SCEL: variants seen among roughly 807,000 people sequenced by gnomAD.
SCEL encodes sciellin.
In SCEL, 113 loss-of-function variants were observed where a neutral mutation model predicts 117.6. That is an observed-to-expected ratio of 0.96 (90% CI 0.83 to 1.12). The LOEUF (loss-of-function observed/expected upper bound fraction) is 1.12. Among genes scored for constraint, SCEL ranks in the 50% most tolerant of loss-of-function variants. SCEL has a pLI of 0.00. For synonymous variants in SCEL, 270 were observed against 256.2 expected, an observed-to-expected ratio of 1.05 and a Z score of -0.51; for missense variants, 785 against 810.8, an observed-to-expected ratio of 0.97 and a Z score of 0.39.
At chr13:77,572,322 G>A (rs1393631805) in intron 9 of SCEL, 133 bp downstream of exon 9, 10 of 690,088 alleles carry the variant, frequency 1.4e-5, no homozygotes, top group Admixed American at 2.8e-5. Context: ...CTGTACAGGA[G>A]AGTGTCCAGT....
intron 27 of SCEL, 132 bp downstream of exon 27, chr13:77,618,192 T>C (rs745567688): frequency 1.4e-6 from 1 of 711,158 alleles, no homozygotes; most frequent in Non-Finnish European, 2.5e-6. Context: ...TTTCTTTCTT[T>C]CCTTCCTTCC....
intron 5 of SCEL, among the ~76,000 whole-genome samples, chr13:77,564,368 T>TAGAAGGTG (rs1172623718): frequency 6.6e-6 from 1 of 152,162 alleles, no homozygotes; most frequent in African/African-American, 2.4e-5. Flanking sequence ...ACTTTCTCTT[T>TAGAAGGTG]AGAAGGTGAA....
chr13:77,620,080 T>G lies in SCEL; in HGVS notation c.1628+2020T>G, dbSNP rs188461655. Among the ~76,000 whole-genome samples the G allele has an allele frequency of 1.4e-4, 21 of 152,332 alleles. 1 individual carries two copies. The highest frequency in any genetic ancestry group is 1.2e-3 in the East Asian group (6 of 5,190). On this transcript the variant is annotated intron_variant, in intron 27 of 32. Transcript: ENST00000349847. ...TTACTATAAAAAAATTTAAAAATAT[T>G]GGCTATCGTGTGGTTTTAAGATGGC... is the stretch of plus-strand genomic sequence containing the variant.
intron 28 of SCEL, among the ~76,000 whole-genome samples, chr13:77,628,215 G>A (rs2089860256): frequency 6.7e-6 from 1 of 148,298 alleles, no homozygotes; most frequent in South Asian, 2.1e-4. Flanking sequence ...AAATTTACAA[G>A]GTGCTTAATA....
At position 77,604,429 on chromosome 13, in the gene SCEL, A is replaced by G. The variant is rs2087963845; in HGVS notation, c.1157+14A>G. ...AAATATTACGAGGTAAGACATTTAA[A>G]GCTCCCCCCTCCCCTTTGTTTGGCA... On this transcript the variant is annotated intron_variant, in intron 19 of 32. Transcript: ENST00000349847. The G allele has an allele frequency of 6.4e-7, 1 of 1,569,870 alleles. No individual in the cohort carries two copies. Among genetic ancestry groups the G allele is most frequent in the South Asian group, 1.2e-5 (1 of 83,222 alleles).
Position 77,593,572 on chromosome 13 carries a change from G to A in SCEL, c.751G>A (p.Gly251Ser). The A allele has an allele frequency of 6.2e-7, 1 of 1,611,790 alleles. No homozygotes were observed. Among genetic ancestry groups the A allele is most frequent in the Non-Finnish European group, 8.5e-7 (1 of 1,178,274 alleles). ...CACTTCACTTCAGAGAAGTGACAAA[G>A]GGTGAGATCTCAGAGCTTTTGAGCT... Reference protein sequence around the residue: ...VATSLQRSDKGEELDNLIKMN... With the variant: ...VATSLQRSDKSEELDNLIKMN... The change falls in exon 12 of 33, where the codon GGT becomes AGT. Residue 251 changes from glycine (G) to serine (S), a missense_variant and splice_region_variant. By Grantham distance (56) the Gly-to-Ser change is moderately conservative. Coordinates refer to ENST00000349847, the MANE Select transcript of SCEL (RefSeq NM_144777.3).
chr13:77,587,322 G>C (rs1475343849), intron 9 of SCEL, among the ~76,000 whole-genome samples: 2 of 151,908 alleles, frequency 1.3e-5, no homozygotes, highest in African/African-American at 4.8e-5. Flanking sequence ...AATTCTCAAA[G>C]TCATCTGTCT....
chr13:77,599,256 G>T lies in SCEL; in HGVS notation c.798-73G>T, dbSNP rs2087468182. 4.9e-6 allele frequency: 5 copies of T among 1,030,176 alleles called. No individual in the cohort carries two copies. In the South Asian group the frequency reaches 6.0e-5, roughly 12 times the overall value. The allele number at this position is 1,030,176 out of a possible 1,614,324, so 63.8% of individuals were successfully genotyped here. ...CTGTTTCCTGTCTTAGATGTAAACT[G>T]GTCTATGTTCTTATAGAGTTAAGCA... On this transcript the variant is annotated intron_variant, in intron 13 of 32. Transcript: ENST00000349847.
chr13:77,555,565 G>T (rs371837329), intron 1 of SCEL, among the ~76,000 whole-genome samples: 2 of 152,146 alleles, frequency 1.3e-5, no homozygotes, highest in Non-Finnish European at 2.9e-5. Context: ...CATTCCATGC[G>T]TAATTATTGA....
chr13:77,593,594 A>G, intron 12 of SCEL, 21 bp downstream of exon 12: 1 of 1,602,470 alleles, frequency 6.2e-7, no homozygotes, highest in Non-Finnish European at 8.5e-7. Context: ...AGAGCTTTTG[A>G]GCTTGGGTTT....
At chr13:77,612,087 A>G (rs1285192239) in intron 22 of SCEL, among the ~76,000 whole-genome samples, 1 of 152,200 alleles carries the variant, frequency 6.6e-6, no homozygotes, top group Non-Finnish European at 1.5e-5. Flanking sequence ...ACATGATAAA[A>G]TGAACCTATA....
At chr13:77,617,536 C>A in intron 24 of SCEL, 63 bp from the exon 25 acceptor site, 1 of 958,004 alleles carries the variant, frequency 1.0e-6, no homozygotes. Context: ...TATCCATTTC[C>A]AATTACCTTA....
At position 77,604,278 on chromosome 13, in the gene SCEL, T is replaced by C. The variant is rs932998321; in HGVS notation, c.1098-78T>C. On this transcript the variant is annotated intron_variant, in intron 18 of 32. Transcript: ENST00000349847. ...GAAAACTTGTATATTTACCACTTCT[T>C]AATTTTTCCAGCCATTATTCATCTG... The C allele has an allele frequency of 1.6e-5, 14 of 890,364 alleles. No homozygotes were observed. In the Admixed American group the frequency reaches 3.9e-4, roughly 25 times the overall value. 55.2% of individuals were successfully genotyped at this position (890,364 alleles called of 1,614,324 possible).
At chr13:77,601,188 A>G (rs535615753) in intron 15 of SCEL, among the ~76,000 whole-genome samples, 1 of 151,688 alleles carries the variant, frequency 6.6e-6, no homozygotes, top group South Asian at 2.1e-4. Context: ...TTTCAAAAAC[A>G]GTTTGGAGAG....
At chr13:77,547,106 A>G (rs1019036972) in intron 1 of SCEL, among the ~76,000 whole-genome samples, 2 of 152,200 alleles carry the variant, frequency 1.3e-5, no homozygotes, top group East Asian at 1.9e-4. Flanking sequence ...ATTGTCTGCC[A>G]TGAGTCCCTA....
At chr13:77,551,513 T>A (rs577810303) in intron 1 of SCEL, among the ~76,000 whole-genome samples, 15 of 152,240 alleles carry the variant, frequency 9.9e-5, no homozygotes, top group African/African-American at 2.9e-4. Context: ...GCTGGGCAGA[T>A]TTGGATTACT....
intron 3 of SCEL, among the ~76,000 whole-genome samples, 163 bp from the exon 4 acceptor site, chr13:77,559,641 G>T (rs1056076889): frequency 6.6e-6 from 1 of 152,174 alleles, no homozygotes; most frequent in Admixed American, 6.5e-5. Flanking sequence ...CTTTCAAGTG[G>T]TGACTGGTTA....
chr13:77,603,219 T>A, intron 18 of SCEL, 84 bp downstream of exon 18: 1 of 763,018 alleles, frequency 1.3e-6, no homozygotes, highest in South Asian at 2.0e-5. Context: ...AGCTTCATAA[T>A]CGTGTTTTAT....
At chr13:77,615,691 A>G (rs1223179396) in intron 24 of SCEL, among the ~76,000 whole-genome samples, 2 of 152,104 alleles carry the variant, frequency 1.3e-5, no homozygotes, top group Non-Finnish European at 2.9e-5. Flanking sequence ...CTAGGGCCTG[A>G]AAAAAATCTA....
Sources: allele counts gnomAD v4.1 joint callset (sites outside exome capture counted in the v4.1 genomes callset), GRCh38; gene constraint gnomAD v4.1.1; transcripts MANE v1.5; gene names NCBI Gene and HGNC (gene_info 2026-07-23, HGNC 2026-07-21).